The following HOOK3 variants were observed in gnomAD, a reference collection of about 807,000 sequenced individuals.
The protein encoded by HOOK3 is hook microtubule tethering protein 3.
In HOOK3, 24 loss-of-function variants were observed where a neutral mutation model predicts 116.3. The observed-to-expected ratio is 0.21, with a 90% confidence interval of 0.15 to 0.29. The LOEUF (loss-of-function observed/expected upper bound fraction) is 0.29. Ranked by LOEUF, HOOK3 falls within the 10% of genes least tolerant of loss-of-function variation. The pLI, the probability that HOOK3 is intolerant of heterozygous loss-of-function variation, is 1.00. For synonymous variants in HOOK3, 275 were observed against 283.0 expected, an observed-to-expected ratio of 0.97 and a Z score of 0.28; for missense variants, 632 against 830.2, an observed-to-expected ratio of 0.76 and a Z score of 2.93.
At chr8:43,006,337 C>T (rs543733898) in intron 17 of HOOK3, among the ~76,000 whole-genome samples, 74 of 133,652 alleles carry the variant, frequency 5.5e-4, no homozygotes, top group Non-Finnish European at 9.4e-4. Flanking sequence ...TTTTTTGAGA[C>T]GGAGTCTCAC....
chr8:42,965,064 C>G (rs1285348844), intron 9 of HOOK3, among the ~76,000 whole-genome samples: 1 of 152,178 alleles, frequency 6.6e-6, no homozygotes, highest in African/African-American at 2.4e-5. Context: ...ACAAAGGCGA[C>G]TGAGGAAACT....
At chr8:42,925,947 T>C (rs1807757348) in intron 3 of HOOK3, among the ~76,000 whole-genome samples, 2 of 152,198 alleles carry the variant, frequency 1.3e-5, no homozygotes, top group African/African-American at 2.4e-5. Flanking sequence ...AGGATTAATA[T>C]AGCTTCTACC....
At chr8:42,917,216 G>A (rs1021323646) in intron 2 of HOOK3, among the ~76,000 whole-genome samples, 1 of 152,236 alleles carries the variant, frequency 6.6e-6, no homozygotes, top group Non-Finnish European at 1.5e-5. Context: ...TAGGGGCAGT[G>A]CAGAGCTTCC....
intron 15 of HOOK3, among the ~76,000 whole-genome samples, 160 bp downstream of exon 15, chr8:42,986,955 A>G (rs62515949): frequency 0.098 from 14,974 of 152,192 alleles, 838 homozygotes; most frequent in African/African-American, 0.14. Context: ...TCGGGAGTTC[A>G]AGACCAGCCT....
intron 2 of HOOK3, among the ~76,000 whole-genome samples, chr8:42,916,106 C>T (rs1387911100): frequency 2.0e-5 from 3 of 152,196 alleles, no homozygotes; most frequent in Non-Finnish European, 1.5e-5. Context: ...CAGATGTTCC[C>T]TTCCCACTCT....
chr8:42,975,584 A>G (rs1050618467), intron 13 of HOOK3, among the ~76,000 whole-genome samples: 3 of 152,252 alleles, frequency 2.0e-5, no homozygotes, highest in African/African-American at 7.2e-5. Context: ...ATAGGGCTTT[A>G]TCAAGCCCAT....
At chr8:42,950,690 A>T (rs950968404) in intron 6 of HOOK3, among the ~76,000 whole-genome samples, 5 of 147,414 alleles carry the variant, frequency 3.4e-5, no homozygotes, top group Admixed American at 6.8e-5. Context: ...CTATTCCTAA[A>T]TTTTTTTTTT....
At position 42,937,171 on chromosome 8, in the gene HOOK3, G is replaced by C. The variant is rs546118601; in HGVS notation, c.268-6142G>C. ...TTCTTCTAGATTTTCTAGTTTATTTGCATAGAGGTGTTTACAGTATTCTCT... is the reference window on the plus strand; with the variant it reads ...TTCTTCTAGATTTTCTAGTTTATTTCCATAGAGGTGTTTACAGTATTCTCT... On this transcript the variant is annotated intron_variant, in intron 4 of 21. Coordinates refer to ENST00000307602, the MANE Select transcript of HOOK3 (RefSeq NM_032410.4). 2.6e-5 allele frequency among the ~76,000 whole-genome samples: 4 copies of C among 152,198 alleles called. No homozygotes were observed. In the East Asian group the frequency reaches 5.8e-4, roughly 22 times the overall value.
chr8:42,986,758 G>A lies in HOOK3; in HGVS notation c.1495G>A (p.Ala499Thr). Residue 499 changes from alanine to threonine, a missense_variant, in exon 15 of 22, where the codon GCA becomes ACA. Around this residue, in one of 3 missense-constraint regions of HOOK3, gnomAD observed 483 missense variants for 648.1 expected, o/e 0.75. Coordinates refer to ENST00000307602, the MANE Select transcript of HOOK3 (RefSeq NM_032410.4). ...CTTATTGCAGAGCCTTCTAGATGAT[G>A]CAAATCTACGCAAGAATGAACTGGA... is the stretch of plus-strand genomic sequence containing the variant. Reference protein sequence around the residue: ...IALLQSLLDDANLRKNELETE... With the variant: ...IALLQSLLDDTNLRKNELETE... 1 of 1,613,792 alleles carries A rather than the reference G, an allele frequency of 6.2e-7. No homozygotes were observed. Among genetic ancestry groups the A allele is most frequent in the Non-Finnish European group, 8.5e-7 (1 of 1,179,864 alleles).
At chr8:42,966,170 A>G (rs544739220) in intron 9 of HOOK3, among the ~76,000 whole-genome samples, 3 of 152,162 alleles carry the variant, frequency 2.0e-5, no homozygotes, top group Non-Finnish European at 4.4e-5. Context: ...GCCAGACCAT[A>G]TGTGTTAATT....
intron 14 of HOOK3, among the ~76,000 whole-genome samples, chr8:42,984,346 C>T (rs1176647353): frequency 7.1e-6 from 1 of 141,624 alleles, no homozygotes; most frequent in Non-Finnish European, 1.5e-5. Context: ...CCAGTCTGGG[C>T]AACAAGAGTG....
At chr8:42,916,088 C>T (rs1194068592) in intron 2 of HOOK3, among the ~76,000 whole-genome samples, 1 of 152,188 alleles carries the variant, frequency 6.6e-6, no homozygotes, top group African/African-American at 2.4e-5. Context: ...GATCCTCTGC[C>T]TCTCCATCAG....
chr8:43,010,158 A>G (rs1809577042), intron 18 of HOOK3, 147 bp from the exon 19 acceptor site: 1 of 179,996 alleles, frequency 5.6e-6, no homozygotes, highest in African/African-American at 2.4e-5. Flanking sequence ...GTGTAAAAAT[A>G]GACCAGTCTC....
chr8:42,904,391 C>T (rs1807260792), intron 1 of HOOK3, among the ~76,000 whole-genome samples: 1 of 149,874 alleles, frequency 6.7e-6, no homozygotes, highest in East Asian at 2.0e-4. Context: ...CTCACTGCAA[C>T]CTCCGCCTCC....
At chr8:42,938,273 T>G (rs974197427) in intron 4 of HOOK3, among the ~76,000 whole-genome samples, 1 of 151,468 alleles carries the variant, frequency 6.6e-6, no homozygotes, top group African/African-American at 2.4e-5. Flanking sequence ...ATCCCTTTAT[T>G]TTGAGCCTAT....
intron 13 of HOOK3, among the ~76,000 whole-genome samples, chr8:42,975,715 A>G (rs1808809271): frequency 6.6e-6 from 1 of 152,166 alleles, no homozygotes; most frequent in Non-Finnish European, 1.5e-5. Context: ...TAAGATAGAT[A>G]CATATGTTGA....
intron 15 of HOOK3, among the ~76,000 whole-genome samples, chr8:42,990,483 G>T (rs1809139564): frequency 6.6e-6 from 1 of 151,180 alleles, no homozygotes; most frequent in Non-Finnish European, 1.5e-5. Context: ...GAGATTACAG[G>T]CATGTCCACC....
intron 4 of HOOK3, among the ~76,000 whole-genome samples, chr8:42,941,468 A>C (rs1402751777): frequency 6.9e-6 from 1 of 144,862 alleles, no homozygotes; most frequent in Non-Finnish European, 1.5e-5. Context: ...CAGTGAGCCA[A>C]GGTCGCGCCA....
At position 43,021,104 on chromosome 8, in the gene HOOK3, GAAAAAAAAAAA is replaced by G. The variant is rs34161624; in HGVS notation, c.*2625_*2635del. On this transcript the variant is annotated 3_prime_UTR_variant, in exon 22 of 22. Transcript: ENST00000307602. Reference sequence around the variant, plus strand: ...CGACAAGAGCGAAACTCTGTCGCAAGAAAAAAAAAAAAAAAAAAAAAAAAAAAAACAGTCTG... The same window carrying G: ...CGACAAGAGCGAAACTCTGTCGCAAGAAAAAAAAAAAAAAAAAACAGTCTG... 222 of 32,282 alleles carry G rather than the reference GAAAAAAAAAAA, an allele frequency of 6.9e-3. 4 individuals carry two copies. The East Asian group carries it at 0.1, about 15-fold the overall frequency. 2.0% of individuals were successfully genotyped at this position (32,282 alleles called of 1,614,324 possible).
Sources: allele counts gnomAD v4.1 joint callset (sites outside exome capture counted in the v4.1 genomes callset), GRCh38; gene constraint gnomAD v4.1.1; regional missense constraint gnomAD v4.1.1; transcripts MANE v1.5; gene names NCBI Gene and HGNC (gene_info 2026-07-23, HGNC 2026-07-21).